Variants in NDRG1 observed in about 807,000 individuals in gnomAD.
NDRG1 encodes protein NDRG1.
In NDRG1, 32 loss-of-function variants were observed where a neutral mutation model predicts 56.9. The ratio of observed to expected loss-of-function variants is 0.56; its 90% CI spans 0.42 to 0.76. NDRG1 has a LOEUF of 0.76. NDRG1 is among the 30% of genes least tolerant of loss of function. NDRG1 has a pLI of 0.00. For missense variants in NDRG1, 507 were observed against 545.7 expected (o/e 0.93, Z 0.71); for synonymous variants, 211 against 204.1 (o/e 1.03, Z -0.29).
intron 11 of NDRG1, 98 bp downstream of exon 11, chr8:133,248,617 A>G (rs1855829208): frequency 4.3e-6 from 6 of 1,380,064 alleles, no homozygotes; most frequent in Middle Eastern, 1.8e-4. Flanking sequence ...CACTGACACA[A>G]TGTCCTGCCA....
intron 4 of NDRG1, 116 bp from the exon 5 acceptor site, chr8:133,262,283 A>G (rs182248207): frequency 2.1e-4 from 274 of 1,323,476 alleles, no homozygotes; most frequent in Non-Finnish European, 2.6e-4. Flanking sequence ...TAGGAAGTGA[A>G]CTTAGAAGAA....
intron 2 of NDRG1, among the ~76,000 whole-genome samples, chr8:133,283,784 C>T (rs1857943967): frequency 6.6e-6 from 1 of 152,224 alleles, no homozygotes; most frequent in Admixed American, 6.5e-5. Context: ...GGATTTAAGC[C>T]CAGACAGTGC....
chr8:133,257,971 C>T (rs1856468183), intron 7 of NDRG1, among the ~76,000 whole-genome samples: 1 of 152,114 alleles, frequency 6.6e-6, no homozygotes. Context: ...AGAGAAATAA[C>T]AATGACAACT....
chr8:133,247,215 T>C (rs942464761), intron 12 of NDRG1, among the ~76,000 whole-genome samples: 2 of 152,212 alleles, frequency 1.3e-5, no homozygotes, highest in Non-Finnish European at 2.9e-5. Flanking sequence ...TGTATCTCTA[T>C]TGATGTATCC....
chr8:133,278,889 T>C (rs1218657231), intron 3 of NDRG1, among the ~76,000 whole-genome samples: 3 of 68,326 alleles, frequency 4.4e-5, no homozygotes, highest in African/African-American at 1.3e-4. Context: ...CTCTTCTTCT[T>C]TTTTTTTTTT....
At chr8:133,266,986 C>T (rs930201690) in intron 3 of NDRG1, among the ~76,000 whole-genome samples, 14 of 152,122 alleles carry the variant, frequency 9.2e-5, no homozygotes, top group African/African-American at 2.9e-4. Context: ...CAGGTTCCCC[C>T]GCAGCGTATG....
intron 3 of NDRG1, among the ~76,000 whole-genome samples, chr8:133,271,193 T>TA (rs1476169753): frequency 9.2e-5 from 14 of 152,276 alleles, no homozygotes; most frequent in African/African-American, 3.4e-4. Flanking sequence ...GATCACCGCA[T>TA]ACCCAGGATC....
At chr8:133,260,686 T>G (rs540631646) in intron 5 of NDRG1, among the ~76,000 whole-genome samples, 2 of 152,354 alleles carry the variant, frequency 1.3e-5, no homozygotes, top group Non-Finnish European at 2.9e-5. Context: ...CTTTTAATTT[T>G]TGGTCCTGGC....
chr8:133,255,117 C>T lies in NDRG1; in HGVS notation c.538-522G>A, dbSNP rs374234683. 1.1e-4 allele frequency: 37 copies of T among 346,760 alleles called. No individual in the cohort carries two copies. The East Asian group carries it at 1.9e-3, about 18-fold the overall frequency. The allele number at this position is 346,760 out of a possible 1,614,324, so 21.5% of individuals were successfully genotyped here. A position where few individuals can be genotyped will look rare whatever the true frequency, so the allele number is the denominator to read the frequency against. On this transcript the variant is annotated intron_variant, in intron 8 of 15. Coordinates refer to ENST00000323851, the MANE Select transcript of NDRG1 (RefSeq NM_006096.4). ...AGTGACTAGGTTTGCAGCAGGAGCT[C>T]TATAAGTCCTAGTATACAGCAGAAG...
chr8:133,281,990 G>A (rs184924348), intron 2 of NDRG1, among the ~76,000 whole-genome samples: 2 of 152,270 alleles, frequency 1.3e-5, no homozygotes, highest in East Asian at 3.9e-4. Context: ...CTTCCCAATA[G>A]TCAAGCCTAA....
chr8:133,249,251 G>C, intron 10 of NDRG1: 1 of 232,600 alleles, frequency 4.3e-6, no homozygotes, highest in Non-Finnish European at 8.7e-6. Context: ...CCCTGTGGTG[G>C]TTTCCCACTG....
chr8:133,248,101 T>C (rs1855793422), intron 11 of NDRG1, among the ~76,000 whole-genome samples, 175 bp from the exon 12 acceptor site: 1 of 152,256 alleles, frequency 6.6e-6, no homozygotes, highest in South Asian at 2.1e-4. Context: ...TGGTTACTAG[T>C]CATTCACAAC....
Position 133,247,607 on chromosome 8 carries a change from T to C in NDRG1, c.807+268A>G, listed in dbSNP as rs10108961. On this transcript the variant is annotated intron_variant, in intron 12 of 15. Coordinates refer to ENST00000323851, the MANE Select transcript of NDRG1 (RefSeq NM_006096.4). The stretch of plus-strand genomic sequence containing the variant: ...TGGCCAGGAAGCCAAGTGGCAAACA[T>C]GCCCATATAAACAAGCCGATGGGAC... Among the ~76,000 whole-genome samples, 30,578 of 152,214 alleles carry C rather than the reference T, an allele frequency of 0.2. 3,223 individuals are homozygous for C. Among genetic ancestry groups the C allele is most frequent in the Middle Eastern group, 0.27 (79 of 294 alleles).
At chr8:133,248,353 C>T (rs571208523) in intron 11 of NDRG1, among the ~76,000 whole-genome samples, 1 of 152,330 alleles carries the variant, frequency 6.6e-6, no homozygotes, top group African/African-American at 2.4e-5. Flanking sequence ...ACTGTCTTTT[C>T]CTCCTAGGTG....
intron 3 of NDRG1, among the ~76,000 whole-genome samples, chr8:133,265,941 T>C (rs1279128263): frequency 6.6e-6 from 1 of 152,266 alleles, no homozygotes; most frequent in African/African-American, 2.4e-5. Flanking sequence ...CTGAGAGCAG[T>C]GACCTCCCCT....
chr8:133,274,745 C>T (rs1403852637), intron 3 of NDRG1, among the ~76,000 whole-genome samples: 1 of 152,150 alleles, frequency 6.6e-6, no homozygotes, highest in African/African-American at 2.4e-5. Flanking sequence ...GCTTGATCAG[C>T]CTTTCCAGGA....
chr8:133,259,260 A>G, intron 5 of NDRG1, 30 bp from the exon 6 acceptor site: 1 of 1,609,706 alleles, frequency 6.2e-7, no homozygotes, highest in Non-Finnish European at 8.5e-7. Flanking sequence ...GCCATTAGTG[A>G]GCGCCCGGAC....
At chr8:133,257,365 G>A (rs909755528) in intron 7 of NDRG1, among the ~76,000 whole-genome samples, 1 of 151,954 alleles carries the variant, frequency 6.6e-6, no homozygotes, top group African/African-American at 2.4e-5. Context: ...GATACTTTCT[G>A]AGAAAATTCA....
At chr8:133,258,701 T>C (rs1856512777) in intron 6 of NDRG1, among the ~76,000 whole-genome samples, 1 of 152,224 alleles carries the variant, frequency 6.6e-6, no homozygotes, top group South Asian at 2.1e-4. Context: ...TACGGCATCA[T>C]TTCTTCCCAC....
Sources: allele counts gnomAD v4.1 joint callset (sites outside exome capture counted in the v4.1 genomes callset), GRCh38; gene constraint gnomAD v4.1.1; transcripts MANE v1.5; gene names NCBI Gene and HGNC (gene_info 2026-07-23, HGNC 2026-07-21).